Variants in ZNF267 observed in about 807,000 individuals in gnomAD.
ZNF267 encodes the protein zinc finger protein 267, also known as zinc finger (C2H2).
A neutral mutation model predicts 71.6 loss-of-function variants in ZNF267; 61 were observed. The ratio of observed to expected loss-of-function variants is 0.85; its 90% CI spans 0.69 to 1.05. The LOEUF is 1.05. Among genes scored for constraint, ZNF267 ranks in the 50% least tolerant of loss-of-function variants. The pLI is 0.00. For synonymous variants in ZNF267, 288 were observed against 293.2 expected (o/e 0.98, Z 0.18); for missense variants, 852 against 870.0 (o/e 0.98, Z 0.26).
chr16:31,883,307 A>C (rs1027717104), intron 1 of ZNF267, among the ~76,000 whole-genome samples: 1 of 152,156 alleles, frequency 6.6e-6, no homozygotes, highest in African/African-American at 2.4e-5. Context: ...AAAAGGCATC[A>C]CCCACAAAGA....
chr16:31,886,556 C>A (rs1404534239), intron 3 of ZNF267, among the ~76,000 whole-genome samples: 6 of 152,106 alleles, frequency 3.9e-5, no homozygotes. Flanking sequence ...CCAAAACCAC[C>A]CCCGACTCGA....
intron 3 of ZNF267, chr16:31,913,361 C>T (rs1035736116): frequency 1.3e-5 from 2 of 152,322 alleles, no homozygotes; most frequent in Admixed American, 6.5e-5. Flanking sequence ...ATGACATAAG[C>T]TTCCCTGTTG....
Position 31,915,696 on chromosome 16 carries a change from C to T in ZNF267, c.1447C>T (p.Gln483Ter), listed in dbSNP as rs1324404689. ...YARSSNLIMH[Q>*]RVHTGEKPYK... ...TCGTTCTTCAAATCTTATTATGCATCAGAGAGTTCATACTGGAGAGAAGCC... is the reference window on the plus strand; with the variant it reads ...TCGTTCTTCAAATCTTATTATGCATTAGAGAGTTCATACTGGAGAGAAGCC... Residue 483 changes from glutamine (Q) to a stop codon, truncating the protein, a stop_gained, in exon 4 of 4, where the codon CAG becomes TAG. Coordinates refer to ENST00000300870, the MANE Select transcript of ZNF267 (RefSeq NM_003414.6). LOFTEE classifies it high-confidence loss of function. 1.2e-6 allele frequency: 2 copies of T among 1,613,668 alleles called. No individual in the cohort carries two copies. Among genetic ancestry groups the T allele is most frequent in the Non-Finnish European group, 1.7e-6 (2 of 1,179,914 alleles).
rs368714560 is a variant in ZNF267, at chr16:31,915,076, G to A, written c.827G>A (p.Cys276Tyr). The change falls in exon 4 of 4, where the codon TGT becomes TAT. Residue 276 changes from cysteine to tyrosine, a missense_variant. By Grantham distance (194) the Cys-to-Tyr change is radical. Coordinates refer to ENST00000300870, the MANE Select transcript of ZNF267 (RefSeq NM_003414.6). ...AAATGTAATAAATGTGTAGAAGTTT[G>A]TACCCAGTCATTAAAACATATTCAA... ...SYKCNKCVEV[C>Y]TQSLKHIQHQ... is the part of the protein sequence containing the mutation. 1 of 1,613,634 alleles carries A rather than the reference G, an allele frequency of 6.2e-7. No homozygotes were observed. Among genetic ancestry groups the A allele is most frequent in the Middle Eastern group, 1.7e-4 (1 of 6,058 alleles).
At chr16:31,912,640 C>G (rs1329021254) in intron 3 of ZNF267, 1 of 151,660 alleles carries the variant, frequency 6.6e-6, no homozygotes, top group Non-Finnish European at 1.5e-5. Flanking sequence ...CTCTTTCTCT[C>G]TTTAAGGCTA....
At chr16:31,885,031 C>G (rs2083914214) in intron 2 of ZNF267, 130 bp from the exon 3 acceptor site, 2 of 593,248 alleles carry the variant, frequency 3.4e-6, no homozygotes, top group Non-Finnish European at 5.3e-6. Flanking sequence ...TCTATAATGT[C>G]TTATTTTTTC....
chr16:31,895,057 GCC>G (rs1318065636), intron 3 of ZNF267: 3 of 245,076 alleles, frequency 1.2e-5, no homozygotes, highest in Non-Finnish European at 2.4e-5. Context: ...CTCCCAGGGG[GCC>G]TTCTGCTTTG....
intron 3 of ZNF267, chr16:31,912,058 T>C (rs1300247249): frequency 1.3e-5 from 2 of 151,714 alleles, no homozygotes; most frequent in African/African-American, 2.4e-5. Context: ...TGAGTCATCA[T>C]TGAGTATTTC....
At chr16:31,905,651 A>G (rs983617739) in intron 3 of ZNF267, among the ~76,000 whole-genome samples, 2 of 151,280 alleles carry the variant, frequency 1.3e-5, no homozygotes, top group African/African-American at 2.4e-5. Flanking sequence ...TCCTTTAAGG[A>G]CTTCTCTGCA....
chr16:31,880,255 A>C, intron 1 of ZNF267, among the ~76,000 whole-genome samples: 1 of 152,228 alleles, frequency 6.6e-6, no homozygotes, highest in East Asian at 1.9e-4. Context: ...CCAGTGAGCT[A>C]CAGCAGTTCT....
chr16:31,894,524 C>T (rs1442257760), intron 3 of ZNF267: 2 of 506,816 alleles, frequency 3.9e-6, no homozygotes, highest in African/African-American at 2.0e-5. Flanking sequence ...AATTCTTCTT[C>T]TAACAAACTA....
intron 1 of ZNF267, among the ~76,000 whole-genome samples, chr16:31,879,520 T>C (rs906112121): frequency 2.6e-5 from 4 of 152,254 alleles, no homozygotes; most frequent in African/African-American, 9.6e-5. Flanking sequence ...CCAGAATTAC[T>C]ACACAGAATA....
chr16:31,903,183 G>T (rs892696597), intron 3 of ZNF267, among the ~76,000 whole-genome samples: 10 of 152,144 alleles, frequency 6.6e-5, no homozygotes, highest in African/African-American at 2.2e-4. Flanking sequence ...GCTGGATTCG[G>T]TTTACCAGTA....
chr16:31,892,733 A>G (rs948856483), intron 3 of ZNF267, among the ~76,000 whole-genome samples: 2 of 152,240 alleles, frequency 1.3e-5, no homozygotes, highest in Non-Finnish European at 2.9e-5. Flanking sequence ...AAGCTCCAAG[A>G]TGATCTCCTT....
intron 3 of ZNF267, 94 bp downstream of exon 3, chr16:31,885,350 G>C (rs2083917274): frequency 8.9e-7 from 1 of 1,118,912 alleles, no homozygotes; most frequent in African/African-American, 1.6e-5. Flanking sequence ...AAGTTCTCCA[G>C]TGGAAATGAT....
At chr16:31,884,701 T>A (rs2083911913) in intron 2 of ZNF267, 77 bp downstream of exon 2, 1 of 1,448,914 alleles carries the variant, frequency 6.9e-7, no homozygotes, top group African/African-American at 1.4e-5. Context: ...TGGGATCTTG[T>A]GCTTTGTATG....
chr16:31,904,372 A>T (rs1484307553), intron 3 of ZNF267, among the ~76,000 whole-genome samples: 1 of 152,198 alleles, frequency 6.6e-6, no homozygotes, highest in Non-Finnish European at 1.5e-5. Flanking sequence ...GATCTGTCTA[A>T]TGTTGACAAT....
intron 1 of ZNF267, among the ~76,000 whole-genome samples, chr16:31,879,546 C>A (rs2142330133): frequency 6.6e-6 from 1 of 152,276 alleles, no homozygotes. Flanking sequence ...CTGTACGATG[C>A]CTGTAAGACT....
chr16:31,911,718 A>G (rs892958321), intron 3 of ZNF267: 1 of 142,714 alleles, frequency 7.0e-6, no homozygotes, highest in South Asian at 2.3e-4. Context: ...TTGTTTTTGC[A>G]TCTTCTCTTT....
Sources: gnomAD v4.1 joint callset for allele counts (sites outside exome capture counted in the v4.1 genomes callset) on GRCh38, gnomAD v4.1.1 for gene constraint, MANE v1.5 for transcripts, NCBI Gene and HGNC (gene_info 2026-07-23, HGNC 2026-07-21) for gene names.